TENM2: variants seen among roughly 807,000 people sequenced by gnomAD.
TENM2 encodes the protein teneurin transmembrane protein 2, also known as teneurin-2.
TENM2 carries 52 observed loss-of-function variants against 245.2 expected under a neutral mutation model. The observed-to-expected ratio is 0.21, with a 90% CI of 0.17 to 0.27. The LOEUF is 0.27. TENM2 is among the 10% of genes least tolerant of loss of function. The pLI is 1.00. For missense variants in TENM2, 3,046 were observed against 3,666.8 expected, an observed-to-expected ratio of 0.83 and a Z score of 4.37; for synonymous variants, 1,363 against 1,438.9, an observed-to-expected ratio of 0.95 and a Z score of 1.19.
chr5:167,667,715 T>C (rs2150341784), intron 2 of TENM2, among the ~76,000 whole-genome samples: 1 of 152,316 alleles, frequency 6.6e-6, no homozygotes, highest in Admixed American at 6.5e-5. Context: ...TCCACTCCTG[T>C]TCTTTAGGCA....
chr5:168,139,398 GA>G (rs1311190958), intron 12 of TENM2: 3 of 438,176 alleles, frequency 6.8e-6, no homozygotes, highest in East Asian at 1.4e-4. Context: ...TATTTATTTT[GA>G]AAACCTTCAG....
chr5:167,174,846 A>G, the TENM2 span, among the ~76,000 whole-genome samples: 52 of 151,026 alleles, frequency 3.4e-4, 1 homozygote, highest in East Asian at 9.5e-3. Context: ...CCCAGAAACC[A>G]TGTTGTACTC....
chr5:167,978,410 C>T (rs1782597043), intron 4 of TENM2, among the ~76,000 whole-genome samples: 1 of 152,176 alleles, frequency 6.6e-6, no homozygotes, highest in Non-Finnish European at 1.5e-5. Context: ...AAAGTGTACA[C>T]ACACACTCAC....
chr5:166,999,506 T>C, the TENM2 span, among the ~76,000 whole-genome samples: 3 of 152,032 alleles, frequency 2.0e-5, no homozygotes, highest in Non-Finnish European at 2.9e-5. Flanking sequence ...TAAAAGATCA[T>C]TGTGGTGATT....
At chr5:167,218,873 C>T in the TENM2 span, among the ~76,000 whole-genome samples, 16 of 152,264 alleles carry the variant, frequency 1.1e-4, no homozygotes, top group Admixed American at 2.0e-4. Context: ...AGAAGAATTG[C>T]ACTCTAATTA....
chr5:168,098,087 T>C (rs1342670189), exon 9 of TENM2: 2 of 1,613,594 alleles, frequency 1.2e-6, no homozygotes, highest in Non-Finnish European at 1.7e-6. Flanking sequence ...CCGGGGTGTG[T>C]CACTGTTTCC....
intron 2 of TENM2, among the ~76,000 whole-genome samples, chr5:167,425,835 T>C (rs1763780874): frequency 6.6e-6 from 1 of 152,192 alleles, no homozygotes; most frequent in African/African-American, 2.4e-5. Flanking sequence ...ATGATCCCTG[T>C]TAAGTATTTA....
chr5:167,196,044 G>A, the TENM2 span, among the ~76,000 whole-genome samples: 38 of 152,074 alleles, frequency 2.5e-4, no homozygotes, highest in Admixed American at 1.6e-3. Flanking sequence ...AGGCAATTTT[G>A]TCTTTGAGCA....
the TENM2 span, among the ~76,000 whole-genome samples, chr5:167,080,961 C>G: frequency 1.3e-5 from 2 of 151,776 alleles, no homozygotes; most frequent in Non-Finnish European, 2.9e-5. Flanking sequence ...TTTGTATTTT[C>G]CTATGCTATT....
chr5:167,530,167 G>A (rs1334686364), intron 2 of TENM2, among the ~76,000 whole-genome samples: 1 of 152,160 alleles, frequency 6.6e-6, no homozygotes, highest in African/African-American at 2.4e-5. Flanking sequence ...ATATAACCAG[G>A]ATATTCATTT....
chr5:167,525,646 T>A (rs969057657), intron 2 of TENM2, among the ~76,000 whole-genome samples: 1 of 152,168 alleles, frequency 6.6e-6, no homozygotes, highest in African/African-American at 2.4e-5. Context: ...CCAATTCTAA[T>A]CTTTCTTCCA....
chr5:167,406,028 A>G (rs1762619632), intron 2 of TENM2, among the ~76,000 whole-genome samples: 1 of 152,100 alleles, frequency 6.6e-6, no homozygotes, highest in Non-Finnish European at 1.5e-5. Context: ...GAATATAAAC[A>G]GGGCCTCTTA....
intron 2 of TENM2, among the ~76,000 whole-genome samples, chr5:167,730,776 A>G (rs1760367545): frequency 6.6e-6 from 1 of 152,204 alleles, no homozygotes; most frequent in Non-Finnish European, 1.5e-5. Flanking sequence ...AAACTCTGAT[A>G]TCTTAAAAGG....
chr5:167,619,551 A>G (rs1778021327), intron 2 of TENM2, among the ~76,000 whole-genome samples: 1 of 152,266 alleles, frequency 6.6e-6, no homozygotes, highest in East Asian at 1.9e-4. Context: ...CTTTTAAGAA[A>G]GTTATTTAGC....
At chr5:167,018,329 A>C in the TENM2 span, among the ~76,000 whole-genome samples, 4 of 152,128 alleles carry the variant, frequency 2.6e-5, no homozygotes, top group Admixed American at 1.3e-4. Flanking sequence ...AGGCAACAAT[A>C]AAGCTAATTA....
At chr5:167,202,732 A>G in the TENM2 span, among the ~76,000 whole-genome samples, 4 of 152,086 alleles carry the variant, frequency 2.6e-5, no homozygotes, top group South Asian at 4.1e-4. Flanking sequence ...TCTCTAAACT[A>G]TAACGTGCAC....
chr5:167,644,046 T>G (rs913301717), intron 2 of TENM2, among the ~76,000 whole-genome samples: 1 of 152,184 alleles, frequency 6.6e-6, no homozygotes, highest in Non-Finnish European at 1.5e-5. Context: ...CTTTGCTGCA[T>G]GCAATATAGT....
chr5:167,142,023 AG>A, the TENM2 span, among the ~76,000 whole-genome samples: 10 of 151,802 alleles, frequency 6.6e-5, no homozygotes, highest in Admixed American at 2.0e-4. Flanking sequence ...GCAAACTCGG[AG>A]GGGGGGGATG....
chr5:167,547,745 A>G (rs2127616138), intron 2 of TENM2, among the ~76,000 whole-genome samples: 1 of 152,300 alleles, frequency 6.6e-6, no homozygotes, highest in African/African-American at 2.4e-5. Flanking sequence ...CTAAGAACTG[A>G]AGATGTCAAA....
Sources: allele counts gnomAD v4.1 joint callset (sites outside exome capture counted in the v4.1 genomes callset), GRCh38; gene constraint gnomAD v4.1.1; transcripts MANE v1.5; gene names NCBI Gene and HGNC (gene_info 2026-07-23, HGNC 2026-07-21).